NUP93: variants seen among roughly 807,000 people sequenced by gnomAD.
NUP93 encodes the protein nuclear pore complex protein Nup93.
In NUP93, 55 loss-of-function variants were observed where a neutral mutation model predicts 107.8. That is an observed-to-expected ratio of 0.51 (90% CI 0.41 to 0.64). The LOEUF is 0.64. Among genes scored for constraint, NUP93 ranks in the 30% least tolerant of loss-of-function variants. The pLI is 0.00. For missense variants in NUP93, 937 were observed against 1,044.7 expected (o/e 0.90, Z 1.42); for synonymous variants, 390 against 397.5 (o/e 0.98, Z 0.22).
In NUP93 at chr16:56,748,234, G is replaced by A; in HGVS notation, c.-14G>A. On this transcript the variant is annotated splice_region_variant and 5_prime_UTR_variant, in exon 2 of 22. Transcript: ENST00000308159. ...TCTTTTCATTTTTTCTCCCATCTAG[G>A]ATCTGCATCTCCAATGGATACTGAG... 1.3e-6 allele frequency: 2 copies of A among 1,578,948 alleles called. No homozygotes were observed. Among genetic ancestry groups the A allele is most frequent in the Middle Eastern group, 1.7e-4 (1 of 5,900 alleles).
At chr16:56,806,456 G>T (rs1033945064) in intron 5 of NUP93, among the ~76,000 whole-genome samples, 2 of 152,000 alleles carry the variant, frequency 1.3e-5, no homozygotes, top group Non-Finnish European at 2.9e-5. Flanking sequence ...CTTGTTTGTT[G>T]AAAACAAGTG....
chr16:56,814,750 T>C (rs1334036920), intron 5 of NUP93, among the ~76,000 whole-genome samples: 1 of 152,200 alleles, frequency 6.6e-6, no homozygotes, highest in Non-Finnish European at 1.5e-5. Context: ...GCTTGTTTTC[T>C]TCTAAAAGAA....
rs746856372 is a variant in NUP93, at chr16:56,830,579, C to T, written c.979C>T (p.Arg327Cys). Reference sequence around the variant, plus strand: ...GTGGGCGCTAATTTACTACTGCATGCGCTGTGGAGACCTGCTTGCCGCTTC... The same window carrying T: ...GTGGGCGCTAATTTACTACTGCATGTGCTGTGGAGACCTGCTTGCCGCTTC... ...PVWALIYYCMRCGDLLAASQV... is the reference protein window; with the variant it reads ...PVWALIYYCMCCGDLLAASQV... The change falls in exon 10 of 22, where the codon CGC (arginine) becomes TGC (cysteine). Residue 327 changes from arginine to cysteine, a missense_variant. Transcript: ENST00000308159. 1.2e-6 allele frequency: 2 copies of T among 1,609,414 alleles called. No homozygotes were observed. Among genetic ancestry groups the T allele is most frequent in the South Asian group, 1.1e-5 (1 of 90,866 alleles).
chr16:56,843,898 C>A (rs1964072605), intron 21 of NUP93, among the ~76,000 whole-genome samples: 1 of 152,268 alleles, frequency 6.6e-6, no homozygotes, highest in South Asian at 2.1e-4. Context: ...GTAGGGCCAC[C>A]TTTTTCCATC....
At chr16:56,832,068 CAAAGATTTTA>C in intron 11 of NUP93, 61 bp downstream of exon 11, 7 of 1,588,000 alleles carry the variant, frequency 4.4e-6, no homozygotes, top group Non-Finnish European at 6.0e-6. Flanking sequence ...CAAGTCCCCG[CAAAGATTTTA>C]CCTGCTTAAT....
At chr16:56,807,414 T>C (rs1963166753) in intron 5 of NUP93, among the ~76,000 whole-genome samples, 1 of 152,216 alleles carries the variant, frequency 6.6e-6, no homozygotes, top group African/African-American at 2.4e-5. Context: ...CTATGTGCCA[T>C]AGTATATGTT....
chr16:56,841,661 A>G (rs756620326), intron 20 of NUP93, 44 bp from the exon 21 acceptor site: 54 of 1,606,062 alleles, frequency 3.4e-5, no homozygotes, highest in East Asian at 2.5e-4. Context: ...GTTGGCCCCA[A>G]AGGCTTGGTT....
At chr16:56,762,072 A>G (rs1962137553) in intron 3 of NUP93, among the ~76,000 whole-genome samples, 1 of 152,200 alleles carries the variant, frequency 6.6e-6, no homozygotes, top group African/African-American at 2.4e-5. Flanking sequence ...AACAGGACAT[A>G]CTACTAAAAC....
intron 3 of NUP93, chr16:56,781,742 C>G (rs140774941): frequency 1.8e-4 from 136 of 774,082 alleles, no homozygotes; most frequent in Admixed American, 1.6e-3. Flanking sequence ...CATAGCATTC[C>G]TTGCCTACAT....
chr16:56,807,396 AC>A (rs1416424992), intron 5 of NUP93, among the ~76,000 whole-genome samples: 2 of 152,216 alleles, frequency 1.3e-5, no homozygotes, highest in Non-Finnish European at 2.9e-5. Context: ...TCTTTTTGGC[AC>A]ATCCTTCTAT....
chr16:56,742,711 T>C (rs1316811458), intron 1 of NUP93, among the ~76,000 whole-genome samples: 4 of 152,226 alleles, frequency 2.6e-5, no homozygotes, highest in African/African-American at 9.6e-5. Flanking sequence ...CTTTTGTAGC[T>C]TCCTTTGTTT....
chr16:56,740,444 C>T lies in NUP93; in HGVS notation c.-14-7790C>T, dbSNP rs543422750. Among the ~76,000 whole-genome samples, 9 of 150,958 alleles carry T rather than the reference C, an allele frequency of 6.0e-5. No homozygotes were observed. In the South Asian group the frequency reaches 6.3e-4, roughly 11 times the overall value. ...CAGAGGATGGGCGGCCAGGCAGAGACGCTCCTCACTTCCTAGATGTGATGG... is the reference window on the plus strand; with the variant it reads ...CAGAGGATGGGCGGCCAGGCAGAGATGCTCCTCACTTCCTAGATGTGATGG... On this transcript the variant is annotated intron_variant, in intron 1 of 21. Transcript: ENST00000308159.
At chr16:56,819,903 C>T (rs529994797) in intron 6 of NUP93, among the ~76,000 whole-genome samples, 1 of 152,256 alleles carries the variant, frequency 6.6e-6, no homozygotes, top group South Asian at 2.1e-4. Context: ...CATGAGATCC[C>T]TTCCTTCCAA....
At position 56,806,384 on chromosome 16, in the gene NUP93, G is replaced by A. The variant is rs556682038; in HGVS notation, c.489+752G>A. Among the ~76,000 whole-genome samples, 14 of 152,082 alleles carry A rather than the reference G, an allele frequency of 9.2e-5. 2 individuals are homozygous for A. The South Asian group carries it at 2.7e-3, about 29-fold the overall frequency. The stretch of plus-strand genomic sequence containing the variant: ...ACAAATCACTGTCATCTCTTGCTTG[G>A]ATTATTGAACTTGGCCTCCTAACTG... On this transcript the variant is annotated intron_variant, in intron 5 of 21. Transcript: ENST00000308159.
At chr16:56,825,771 CTTAAGT>C (rs529483168) in intron 8 of NUP93, among the ~76,000 whole-genome samples, 1 of 152,100 alleles carries the variant, frequency 6.6e-6, no homozygotes. Flanking sequence ...TAATTGTAAT[CTTAAGT>C]TTATTTTTCA....
intron 3 of NUP93, among the ~76,000 whole-genome samples, chr16:56,793,272 G>C (rs1486450162): frequency 6.6e-6 from 1 of 152,212 alleles, no homozygotes; most frequent in Non-Finnish European, 1.5e-5. Flanking sequence ...CTGGCCTGCA[G>C]ATGTTTTGGG....
chr16:56,794,090 G>A (rs9928754), intron 3 of NUP93, among the ~76,000 whole-genome samples: 22,722 of 75,638 alleles, frequency 0.3, 1,732 homozygotes, highest in East Asian at 0.39. Flanking sequence ...AGGTAGGTAG[G>A]TAGATAGATA....
intron 8 of NUP93, among the ~76,000 whole-genome samples, chr16:56,828,349 G>A (rs1163235893): frequency 3.3e-5 from 5 of 152,102 alleles, no homozygotes; most frequent in Non-Finnish European, 7.4e-5. Flanking sequence ...ATTAAGAAAT[G>A]TGGGTTATAT....
intron 11 of NUP93, 64 bp from the exon 12 acceptor site, chr16:56,832,231 A>T: frequency 1.4e-6 from 2 of 1,397,328 alleles, no homozygotes; most frequent in Non-Finnish European, 2.0e-6. Context: ...GAACAGCTAC[A>T]ACTCTGTGCA....
Sources: gnomAD v4.1 joint callset for allele counts (sites outside exome capture counted in the v4.1 genomes callset) on GRCh38, gnomAD v4.1.1 for gene constraint, MANE v1.5 for transcripts, NCBI Gene and HGNC (gene_info 2026-07-23, HGNC 2026-07-21) for gene names.